Variants in CTXND1 observed in about 807,000 individuals in gnomAD.
The protein encoded by CTXND1 is cortexin domain containing 1.
intron 1 of CTXND1, among the ~76,000 whole-genome samples, chr15:80,237,314 G>T (rs543665815): frequency 6.5e-4 from 91 of 140,366 alleles, no homozygotes; most frequent in Non-Finnish European, 9.2e-4. Context: ...CAACCTGGGC[G>T]ACAGAGCGAG....
intron 1 of CTXND1, among the ~76,000 whole-genome samples, chr15:80,216,092 C>T (rs991432245): frequency 1.3e-5 from 2 of 152,166 alleles, no homozygotes; most frequent in African/African-American, 4.8e-5. Flanking sequence ...GAATATTCAA[C>T]AATTCACAAA....
intron 1 of CTXND1, among the ~76,000 whole-genome samples, chr15:80,246,248 T>G (rs576381520): frequency 1.7e-4 from 26 of 152,330 alleles, no homozygotes; most frequent in African/African-American, 5.5e-4. Flanking sequence ...CAAAGTTCAA[T>G]TCATATAAAG....
chr15:80,242,591 CG>C (rs1893582668), intron 1 of CTXND1, among the ~76,000 whole-genome samples: 1 of 152,224 alleles, frequency 6.6e-6, no homozygotes, highest in Non-Finnish European at 1.5e-5. Flanking sequence ...GGTCACAACA[CG>C]GGGCCCTCTG....
chr15:80,218,524 T>A (rs1008278239), intron 1 of CTXND1, among the ~76,000 whole-genome samples: 2 of 152,202 alleles, frequency 1.3e-5, no homozygotes, highest in African/African-American at 2.4e-5. Flanking sequence ...TTTGTTGATG[T>A]TTTAAAAGTA....
At chr15:80,243,689 C>G (rs1048210552) in intron 1 of CTXND1, among the ~76,000 whole-genome samples, 25 of 152,200 alleles carry the variant, frequency 1.6e-4, no homozygotes, top group African/African-American at 5.1e-4. Flanking sequence ...TGCCTCCCAG[C>G]TGAGAGCCAG....
chr15:80,201,545 C>G lies in CTXND1; in HGVS notation c.*225G>C. 1 of 374,878 alleles carries G rather than the reference C, an allele frequency of 2.7e-6. No individual in the cohort carries two copies. Among genetic ancestry groups the G allele is most frequent in the East Asian group, 3.8e-5 (1 of 26,078 alleles). The allele number at this position is 374,878 out of a possible 1,614,324, so 23.2% of individuals were successfully genotyped here. A position where few individuals can be genotyped will look rare whatever the true frequency, so the allele number is the denominator to read the frequency against. ...GCCTCCTGGGTCCTGGTCCAGGGCT[C>G]TTTTCCCCTGGCTGGTCCATGGTTG... On this transcript the variant is annotated 3_prime_UTR_variant, in exon 3 of 3. Coordinates refer to ENST00000560778, the MANE Select transcript of CTXND1 (RefSeq NM_001352888.2).
rs570315746 is a variant in CTXND1 at position 80,242,642 on chromosome 15, C to T, written c.-218+9365G>A. 3.9e-5 allele frequency among the ~76,000 whole-genome samples: 6 copies of T among 152,330 alleles called. No homozygotes were observed. In the East Asian group the frequency reaches 9.6e-4, roughly 24 times the overall value. On this transcript the variant is annotated intron_variant, in intron 1 of 2. Transcript: ENST00000560778. ...AGCTATGCTATGTTTGGGCTGCAGACTGGCTTTATGTTTAATTTTGTTTTA... is the reference window on the plus strand; with the variant it reads ...AGCTATGCTATGTTTGGGCTGCAGATTGGCTTTATGTTTAATTTTGTTTTA...
intron 1 of CTXND1, among the ~76,000 whole-genome samples, chr15:80,247,052 T>A (rs1230009613): frequency 6.6e-6 from 1 of 152,148 alleles, no homozygotes; most frequent in African/African-American, 2.4e-5. Flanking sequence ...ATTTTACCCA[T>A]GAGAAAATTG....
At chr15:80,227,710 TAAAAA>T (rs1893387740) in intron 1 of CTXND1, among the ~76,000 whole-genome samples, 2 of 152,240 alleles carry the variant, frequency 1.3e-5, no homozygotes, top group Admixed American at 1.3e-4. Context: ...ACGTTATTGC[TAAAAA>T]ATGCTACTGA....
At chr15:80,212,872 C>T (rs1022481377) in intron 1 of CTXND1, among the ~76,000 whole-genome samples, 7 of 152,110 alleles carry the variant, frequency 4.6e-5, no homozygotes, top group African/African-American at 1.7e-4. Flanking sequence ...TGCTACCCTT[C>T]AGGAAAAAAG....
chr15:80,227,393 T>C (rs148222960), intron 1 of CTXND1, among the ~76,000 whole-genome samples: 72 of 152,318 alleles, frequency 4.7e-4, no homozygotes, highest in Non-Finnish European at 9.0e-4. Flanking sequence ...ATTTCAATGA[T>C]AAACATGATT....
At chr15:80,247,143 A>C (rs964564497) in intron 1 of CTXND1, among the ~76,000 whole-genome samples, 7 of 152,138 alleles carry the variant, frequency 4.6e-5, no homozygotes, top group African/African-American at 1.7e-4. Context: ...AGGTCAGGTG[A>C]ATTTGACACC....
intron 1 of CTXND1, among the ~76,000 whole-genome samples, chr15:80,213,379 G>A (rs1229480287): frequency 6.6e-6 from 1 of 152,150 alleles, no homozygotes. Context: ...TGGAACTTGT[G>A]AATGTTACCT....
intron 1 of CTXND1, among the ~76,000 whole-genome samples, chr15:80,242,610 G>A (rs968775231): frequency 3.9e-5 from 6 of 152,200 alleles, no homozygotes; most frequent in Non-Finnish European, 2.9e-5. Context: ...CTGGTAGATC[G>A]GGGCAAAGCT....
chr15:80,244,654 C>A (rs58059850), intron 1 of CTXND1, among the ~76,000 whole-genome samples: 2,721 of 152,262 alleles, frequency 0.018, 65 homozygotes, highest in African/African-American at 0.061. Flanking sequence ...AAGAGTGAAT[C>A]AGCCCCAGAC....
rs540892411 is a variant in CTXND1 at position 80,238,295 on chromosome 15, T to C, written c.-218+13712A>G. On this transcript the variant is annotated intron_variant, in intron 1 of 2. Coordinates refer to ENST00000560778, the MANE Select transcript of CTXND1 (RefSeq NM_001352888.2). Reference sequence around the variant, plus strand: ...CTTATCTTTTATGCCATATTTTTACTGTACCTTTTCTATGTTTAGATATGT... The same window carrying C: ...CTTATCTTTTATGCCATATTTTTACCGTACCTTTTCTATGTTTAGATATGT... Among the ~76,000 whole-genome samples, 7 of 152,300 alleles carry C rather than the reference T, an allele frequency of 4.6e-5. No individual in the cohort carries two copies. The East Asian group carries it at 1.3e-3, about 29-fold the overall frequency.
chr15:80,213,897 T>C (rs1034971806), intron 1 of CTXND1, among the ~76,000 whole-genome samples: 2 of 152,132 alleles, frequency 1.3e-5, no homozygotes, highest in Admixed American at 1.3e-4. Context: ...AAAACCTTTC[T>C]AGCAATAAAA....
At chr15:80,213,960 T>G (rs958146336) in intron 1 of CTXND1, among the ~76,000 whole-genome samples, 1 of 64,508 alleles carries the variant, frequency 1.6e-5, no homozygotes, top group Non-Finnish European at 3.1e-5. Flanking sequence ...AGTGAATAAA[T>G]GAAGGGAGGA....
intron 1 of CTXND1, among the ~76,000 whole-genome samples, chr15:80,245,234 G>A: frequency 6.6e-6 from 1 of 152,166 alleles, no homozygotes; most frequent in Non-Finnish European, 1.5e-5. Flanking sequence ...AGCGCTGCAG[G>A]CATCAAGACC....
Sources: allele counts gnomAD v4.1 joint callset (sites outside exome capture counted in the v4.1 genomes callset), GRCh38; gene constraint gnomAD v4.1.1; transcripts MANE v1.5; gene names NCBI Gene and HGNC (gene_info 2026-07-23, HGNC 2026-07-21).